CACNA1E: variants seen among roughly 807,000 people sequenced by gnomAD.
CACNA1E encodes voltage-dependent R-type calcium channel subunit alpha-1E.
A neutral mutation model predicts 259.2 loss-of-function variants in CACNA1E; 40 were observed. The ratio of observed to expected loss-of-function variants is 0.15; its 90% CI spans 0.12 to 0.20. The LOEUF (loss-of-function observed/expected upper bound fraction) is 0.20. Among genes scored for constraint, CACNA1E ranks in the 10% least tolerant of loss-of-function variants. CACNA1E has a pLI of 1.00. For missense variants in CACNA1E, 1,874 were observed against 3,040.1 expected, an observed-to-expected ratio of 0.62 and a Z score of 9.02; for synonymous variants, 1,104 against 1,138.5, an observed-to-expected ratio of 0.97 and a Z score of 0.61.
intron 3 of CACNA1E, among the ~76,000 whole-genome samples, chr1:181,566,419 A>C (rs1649828560): frequency 6.6e-6 from 1 of 152,234 alleles, no homozygotes; most frequent in Admixed American, 6.5e-5. Flanking sequence ...CCTGAATGAC[A>C]GAGTTTTTCT....
At chr1:181,729,443 C>T (rs1464014899) in intron 18 of CACNA1E, among the ~76,000 whole-genome samples, 1 of 152,244 alleles carries the variant, frequency 6.6e-6, no homozygotes, top group African/African-American at 2.4e-5. Flanking sequence ...TAAGTGCAAA[C>T]ATGGCTATCC....
chr1:181,470,658 C>T (rs1662447105), intron 2 of CACNA1E, among the ~76,000 whole-genome samples: 1 of 152,152 alleles, frequency 6.6e-6, no homozygotes, highest in African/African-American at 2.4e-5. Flanking sequence ...TCCCCATAGC[C>T]TTGATGGCCA....
chr1:181,522,509 C>T (rs1173728037), intron 3 of CACNA1E, among the ~76,000 whole-genome samples: 1 of 152,178 alleles, frequency 6.6e-6, no homozygotes, highest in Non-Finnish European at 1.5e-5. Flanking sequence ...ATCAAGCCAA[C>T]CCACATGCTT....
chr1:181,599,694 A>G (rs1653552500), intron 6 of CACNA1E, among the ~76,000 whole-genome samples: 2 of 152,232 alleles, frequency 1.3e-5, no homozygotes, highest in Non-Finnish European at 2.9e-5. Context: ...GTGCTTAGTA[A>G]AAAATCTGGT....
At chr1:181,539,554 C>G (rs1461230855) in intron 3 of CACNA1E, among the ~76,000 whole-genome samples, 1 of 152,120 alleles carries the variant, frequency 6.6e-6, no homozygotes, top group Non-Finnish European at 1.5e-5. Flanking sequence ...ATATTATTCC[C>G]GGTCTGCTTA....
At chr1:181,714,786 C>A (rs1653735252) in intron 8 of CACNA1E, among the ~76,000 whole-genome samples, 1 of 152,202 alleles carries the variant, frequency 6.6e-6, no homozygotes, top group Non-Finnish European at 1.5e-5. Flanking sequence ...GGATGGAAGC[C>A]ATGGGGACAG....
chr1:181,638,514 C>T lies in CACNA1E; in HGVS notation c.952-12824C>T, dbSNP rs561512240. On this transcript the variant is annotated intron_variant, in intron 6 of 47. Transcript: ENST00000367573. ...AAGCTGGGTGTGGATTCCGAATCTT[C>T]ACCCAGCTTCACATGCTTATTGTGG... Among the ~76,000 whole-genome samples, 299 of 152,288 alleles carry T rather than the reference C, an allele frequency of 2.0e-3. 2 individuals carry two copies. The highest frequency in any genetic ancestry group is 6.9e-3 in the African/African-American group (285 of 41,562).
intron 1 of CACNA1E, among the ~76,000 whole-genome samples, chr1:181,396,016 T>C (rs1656657471): frequency 6.6e-6 from 1 of 152,100 alleles, no homozygotes; most frequent in African/African-American, 2.4e-5. Context: ...CTCTTGCGGG[T>C]TGAAATTAAG....
chr1:181,794,215 T>C (rs1037198176), intron 45 of CACNA1E, among the ~76,000 whole-genome samples: 2 of 152,246 alleles, frequency 1.3e-5, no homozygotes, highest in African/African-American at 2.4e-5. Context: ...TCTGTTTTCC[T>C]GGCTTCTTTT....
chr1:181,535,765 G>A (rs1393637567), intron 3 of CACNA1E, among the ~76,000 whole-genome samples: 3 of 149,180 alleles, frequency 2.0e-5, no homozygotes, highest in Non-Finnish European at 4.4e-5. Flanking sequence ...TCAGTTCACT[G>A]CAACCTCTGC....
At chr1:181,673,815 G>A (rs75524653) in intron 7 of CACNA1E, among the ~76,000 whole-genome samples, 1,549 of 151,500 alleles carry the variant, frequency 0.01, 20 homozygotes, top group African/African-American at 0.036. Flanking sequence ...CCCAACACCC[G>A]CTCTGCCAGC....
chr1:181,569,128 G>A (rs183295596), intron 3 of CACNA1E, among the ~76,000 whole-genome samples: 2 of 152,260 alleles, frequency 1.3e-5, no homozygotes, highest in African/African-American at 4.8e-5. Flanking sequence ...TTCCTTCCCT[G>A]ACCTTTCGCT....
chr1:181,779,097 T>A (rs181761373), intron 38 of CACNA1E, among the ~76,000 whole-genome samples: 58 of 152,334 alleles, frequency 3.8e-4, no homozygotes, highest in African/African-American at 1.3e-3. Context: ...CTGAGTCATT[T>A]GTGAATTGGC....
chr1:181,323,397 C>G (rs1031353230), intron 1 of CACNA1E, among the ~76,000 whole-genome samples: 2 of 152,078 alleles, frequency 1.3e-5, no homozygotes, highest in Admixed American at 1.3e-4. Context: ...CTTAAACCTG[C>G]TGGGTCTCCA....
At chr1:181,392,957 C>A (rs1656400996) in intron 1 of CACNA1E, among the ~76,000 whole-genome samples, 1 of 152,122 alleles carries the variant, frequency 6.6e-6, no homozygotes, top group Non-Finnish European at 1.5e-5. Flanking sequence ...AGGGCTGGTT[C>A]TTCAGGGAGG....
chr1:181,428,136 C>T (rs1473103654), intron 2 of CACNA1E, among the ~76,000 whole-genome samples: 4 of 152,164 alleles, frequency 2.6e-5, no homozygotes, highest in Admixed American at 2.0e-4. Flanking sequence ...AAGTCTTTCC[C>T]ACGCTATGCC....
intron 35 of CACNA1E, among the ~76,000 whole-genome samples, chr1:181,770,443 T>C (rs1037133517): frequency 6.6e-5 from 10 of 152,150 alleles, no homozygotes; most frequent in African/African-American, 2.4e-4. Context: ...GTTCCCTCTT[T>C]TGAATGTTCA....
chr1:181,476,410 G>C (rs1205909130), intron 2 of CACNA1E, among the ~76,000 whole-genome samples: 1 of 152,218 alleles, frequency 6.6e-6, no homozygotes, highest in African/African-American at 2.4e-5. Flanking sequence ...GGTTCTTGGA[G>C]AGGCAGGATT....
chr1:181,662,343 T>C (rs189572629), intron 7 of CACNA1E, among the ~76,000 whole-genome samples: 1 of 152,336 alleles, frequency 6.6e-6, no homozygotes, highest in African/African-American at 2.4e-5. Context: ...TGTAGACAGC[T>C]ATTTAGTGTT....
Sources: allele counts gnomAD v4.1 joint callset (sites outside exome capture counted in the v4.1 genomes callset), GRCh38; gene constraint gnomAD v4.1.1; transcripts MANE v1.5; gene names NCBI Gene and HGNC (gene_info 2026-07-23, HGNC 2026-07-21).